Variants in GRID1 observed in about 807,000 individuals in gnomAD.
The protein encoded by GRID1 is glutamate ionotropic receptor delta type subunit 1.
A neutral mutation model predicts 98.0 loss-of-function variants in GRID1; 28 were observed. That is an observed-to-expected ratio of 0.29 (90% confidence interval 0.21 to 0.39). The LOEUF is 0.39. Among genes scored for constraint, GRID1 ranks in the 10% least tolerant of loss-of-function variants. The probability of loss-of-function intolerance (pLI) is 1.00; values close to 1 mark genes in which losing one functional copy is unlikely to be tolerated. For synonymous variants in GRID1, 553 were observed against 538.5 expected, an observed-to-expected ratio of 1.03 and a Z score of -0.37; for missense variants, 1,111 against 1,340.5, an observed-to-expected ratio of 0.83 and a Z score of 2.67.
chr10:85,811,364 CAAT>C (rs1313787564), intron 8 of GRID1, among the ~76,000 whole-genome samples: 2 of 152,024 alleles, frequency 1.3e-5, no homozygotes, highest in African/African-American at 4.8e-5. Flanking sequence ...CAAAGTAACA[CAAT>C]AATTTTGCAG....
chr10:86,332,447 C>T (rs1848158436), intron 2 of GRID1, among the ~76,000 whole-genome samples: 1 of 152,100 alleles, frequency 6.6e-6, no homozygotes, highest in African/African-American at 2.4e-5. Flanking sequence ...CAGGGGTCTG[C>T]TGGGGCTTCC....
At chr10:85,759,791 T>C (rs1204617566) in intron 8 of GRID1, among the ~76,000 whole-genome samples, 1 of 152,248 alleles carries the variant, frequency 6.6e-6, no homozygotes, top group African/African-American at 2.4e-5. Context: ...CCTTCAATTC[T>C]ATGTCTATAA....
chr10:86,353,563 C>A (rs1848492941), intron 2 of GRID1, among the ~76,000 whole-genome samples: 1 of 152,100 alleles, frequency 6.6e-6, no homozygotes, highest in African/African-American at 2.4e-5. Flanking sequence ...ATGGCTCAGC[C>A]CTCCAAAGCC....
At chr10:86,081,216 A>T (rs1843973954) in intron 4 of GRID1, among the ~76,000 whole-genome samples, 2 of 152,142 alleles carry the variant, frequency 1.3e-5, no homozygotes. Context: ...TATTTTGAAG[A>T]GTTTTGCTCA....
chr10:86,198,715 A>G (rs1206362198), intron 3 of GRID1, among the ~76,000 whole-genome samples: 1 of 152,196 alleles, frequency 6.6e-6, no homozygotes, highest in African/African-American at 2.4e-5. Flanking sequence ...TCTGGAGCCC[A>G]TGCCCCTAAC....
rs1024046505 is a variant in GRID1, at chr10:86,316,277, G to A, written c.235+47664C>T. Among the ~76,000 whole-genome samples the A allele has an allele frequency of 1.1e-3, 162 of 152,216 alleles. 1 individual carries two copies. Among genetic ancestry groups the A allele is most frequent in the Non-Finnish European group, 4.1e-4 (28 of 68,042 alleles). ...CCAATACATTCTGCACATTTGGCCAGTAAGGCAGAGATCACATCACGCTCA... is the reference window on the plus strand; with the variant it reads ...CCAATACATTCTGCACATTTGGCCAATAAGGCAGAGATCACATCACGCTCA... On this transcript the variant is annotated intron_variant, in intron 2 of 15. Transcript: ENST00000327946.
At chr10:85,705,430 G>C (rs1005836561) in intron 12 of GRID1, among the ~76,000 whole-genome samples, 1 of 152,166 alleles carries the variant, frequency 6.6e-6, no homozygotes, top group Non-Finnish European at 1.5e-5. Context: ...TCTCTGAATA[G>C]ACCAATAACA....
intron 4 of GRID1, among the ~76,000 whole-genome samples, chr10:85,925,077 T>C (rs1406163056): frequency 6.6e-6 from 1 of 152,194 alleles, no homozygotes; most frequent in Non-Finnish European, 1.5e-5. Context: ...ACAGGCACGA[T>C]CTGTTTAATA....
chr10:86,284,936 C>T (rs1416485011), intron 2 of GRID1, among the ~76,000 whole-genome samples: 5 of 152,230 alleles, frequency 3.3e-5, no homozygotes, highest in Non-Finnish European at 5.9e-5. Context: ...TGTCACCTCT[C>T]GAGCCTCCAT....
At chr10:85,994,764 T>C (rs777235230) in intron 4 of GRID1, among the ~76,000 whole-genome samples, 1 of 152,230 alleles carries the variant, frequency 6.6e-6, no homozygotes, top group East Asian at 1.9e-4. Flanking sequence ...GTAGGTAAGA[T>C]GGCCTATGCT....
At chr10:85,991,627 A>T (rs1017178731) in intron 4 of GRID1, among the ~76,000 whole-genome samples, 2 of 152,228 alleles carry the variant, frequency 1.3e-5, no homozygotes, top group Non-Finnish European at 2.9e-5. Flanking sequence ...TAGACCAAAG[A>T]AGCAAATGTG....
intron 2 of GRID1, among the ~76,000 whole-genome samples, chr10:86,316,339 G>C (rs1484287740): frequency 6.6e-6 from 1 of 152,276 alleles, no homozygotes; most frequent in Non-Finnish European, 1.5e-5. Context: ...AGCCAGGACT[G>C]ACAGCTCCTT....
At chr10:85,909,850 G>A (rs774171301) in intron 5 of GRID1, among the ~76,000 whole-genome samples, 2 of 152,090 alleles carry the variant, frequency 1.3e-5, no homozygotes, top group Non-Finnish European at 2.9e-5. Context: ...GGTTTCCTGG[G>A]TATATACATA....
intron 4 of GRID1, 99 bp downstream of exon 4, chr10:86,138,720 G>C: frequency 2.2e-6 from 2 of 911,358 alleles, no homozygotes; most frequent in South Asian, 1.5e-5. Flanking sequence ...TGTCCGTTTA[G>C]GCCATGCGTA....
At chr10:86,029,010 A>C (rs12246887) in intron 4 of GRID1, among the ~76,000 whole-genome samples, 1 of 152,062 alleles carries the variant, frequency 6.6e-6, no homozygotes, top group Non-Finnish European at 1.5e-5. Context: ...GCATCCCTCT[A>C]ATGCTATACT....
At chr10:85,733,364 A>G (rs1841845663) in intron 8 of GRID1, among the ~76,000 whole-genome samples, 1 of 152,100 alleles carries the variant, frequency 6.6e-6, no homozygotes, top group Admixed American at 6.5e-5. Context: ...AGGATCTCCA[A>G]CCTTGCCTCG....
chr10:85,738,743 C>T (rs546232939), intron 8 of GRID1, among the ~76,000 whole-genome samples: 2 of 152,290 alleles, frequency 1.3e-5, no homozygotes, highest in South Asian at 2.1e-4. Context: ...TGAAGCCAGA[C>T]ATAGGAGACT....
intron 12 of GRID1, among the ~76,000 whole-genome samples, chr10:85,667,899 T>C (rs575242342): frequency 2.2e-4 from 34 of 152,344 alleles, no homozygotes; most frequent in African/African-American, 7.5e-4. Flanking sequence ...CCTCCATTTC[T>C]ATGGATTCAT....
rs1845054993 is a variant in GRID1 at position 86,144,391 on chromosome 10, G to A, written c.521-5367C>T. ...AAGATCCTTGCTCGCCCCATGACAA[G>A]GCTGGACTGTGGAACTGCCAGGAAA... On this transcript the variant is annotated intron_variant, in intron 3 of 15. Coordinates refer to ENST00000327946, the MANE Select transcript of GRID1 (RefSeq NM_017551.3). Among the ~76,000 whole-genome samples, 4 of 152,122 alleles carry A rather than the reference G, an allele frequency of 2.6e-5. No individual in the cohort carries two copies. The South Asian group carries it at 8.3e-4, about 32-fold the overall frequency.
Sources: allele counts gnomAD v4.1 joint callset (sites outside exome capture counted in the v4.1 genomes callset), GRCh38; gene constraint gnomAD v4.1.1; transcripts MANE v1.5; gene names NCBI Gene and HGNC (gene_info 2026-07-23, HGNC 2026-07-21).